Variants in FTSJ1 observed in about 807,000 individuals in gnomAD.
FTSJ1 encodes the protein tRNA (cytidine(32)/guanosine(34)-2'-O)-methyltransferase.
Under a neutral mutation model 28.5 loss-of-function variants are expected in FTSJ1, and 3 were observed. The observed-to-expected ratio is 0.11, with a 90% CI of 0.05 to 0.27. The LOEUF is 0.27. Ranked by LOEUF, FTSJ1 falls within the 10% of genes least tolerant of loss-of-function variation. The pLI, the probability that FTSJ1 is intolerant of heterozygous loss-of-function variation, is 1.00. For missense variants in FTSJ1, 162 were observed against 279.0 expected (o/e 0.58, Z 2.99); for synonymous variants, 104 against 113.9 (o/e 0.91, Z 0.55).
rs781866337 is a variant in FTSJ1, at chrX:48,480,482, G to T, written c.362-669G>T. ...CAGGGGACAGATCCTATAGGGCCTC[G>T]TGGGCCATGGTGAGGCTGTTGGCAT... On this transcript the variant is annotated intron_variant, in intron 5 of 12. Coordinates refer to ENST00000348411, the MANE Select transcript of FTSJ1 (RefSeq NM_012280.4). Among the ~76,000 whole-genome samples, 6 of 109,975 alleles carry T rather than the reference G, an allele frequency of 5.5e-5. No homozygotes were observed. The South Asian group carries it at 1.2e-3, about 22-fold the overall frequency.
chrX:48,484,321 G>A (rs1370993667), intron 12 of FTSJ1, among the ~76,000 whole-genome samples: 3 of 109,976 alleles, frequency 2.7e-5, no homozygotes, highest in Admixed American at 1.9e-4. Flanking sequence ...CACCTGCCTC[G>A]GCCTCCCAAA....
At chrX:48,484,482 C>G (rs990247018) in intron 12 of FTSJ1, among the ~76,000 whole-genome samples, 28 of 111,225 alleles carry the variant, frequency 2.5e-4, no homozygotes, top group African/African-American at 9.2e-4. Context: ...CTCCCGGGTT[C>G]AAGAGATTCT....
chrX:48,478,952 G>A (rs781877365), intron 4 of FTSJ1, 86 bp from the exon 5 acceptor site: 1 of 769,484 alleles, frequency 1.3e-6, no homozygotes, highest in East Asian at 3.2e-5. Flanking sequence ...GCTGACCCAG[G>A]GGCTGTGGGC....
chrX:48,477,928 A>G (rs1051510439), intron 1 of FTSJ1, 33 bp from the exon 2 acceptor site: 1 of 1,064,459 alleles, frequency 9.4e-7, no homozygotes, highest in Admixed American at 2.4e-5. Context: ...AGATGAGCCC[A>G]GTTTAGTTTG....
In FTSJ1 at chrX:48,481,768, T is replaced by C; in HGVS notation, c.655+53T>C. ...GGGGACTCTGCCACACCTTATGCAATCTAGGTCCCATGAGGGCCCACAGTC... is the reference window on the plus strand; with the variant it reads ...GGGGACTCTGCCACACCTTATGCAACCTAGGTCCCATGAGGGCCCACAGTC... On this transcript the variant is annotated intron_variant, in intron 9 of 12. Coordinates refer to ENST00000348411, the MANE Select transcript of FTSJ1 (RefSeq NM_012280.4). The C allele has an allele frequency of 5.2e-6, 4 of 771,678 alleles. No homozygotes were observed. In the Admixed American group the frequency reaches 9.2e-5, roughly 18 times the overall value. The allele number at this position is 771,678 out of a possible 1,213,427, so 63.6% of individuals were successfully genotyped here.
chrX:48,478,016 G>A lies in FTSJ1; in HGVS notation c.-32G>A, dbSNP rs369960936. On this transcript the variant is annotated 5_prime_UTR_variant, in exon 2 of 13. Transcript: ENST00000348411. ...TGATACTGGCCGGCATCAGTGGACTGTCGGCAGGTCCTTGAGCAACTGGTG... is the reference window on the plus strand; with the variant it reads ...TGATACTGGCCGGCATCAGTGGACTATCGGCAGGTCCTTGAGCAACTGGTG... 17 of 1,209,724 alleles carry A rather than the reference G, an allele frequency of 1.4e-5. No homozygotes were observed. In the Admixed American group the frequency reaches 1.7e-4, roughly 12 times the overall value.
At chrX:48,481,582 T>C in intron 8 of FTSJ1, 50 bp from the exon 9 acceptor site, 1 of 1,154,710 alleles carries the variant, frequency 8.7e-7, no homozygotes, top group Non-Finnish European at 1.2e-6. Context: ...GGACGCCGAC[T>C]GCACGAGGAG....
Position 48,481,698 on chromosome X carries a change from T to C in FTSJ1, c.638T>C (p.Leu213Pro). The change falls in exon 9 of 13, where the codon CTG (leucine) becomes CCG (proline). Residue 213 changes from leucine (L) to proline (P), a missense_variant. Transcript: ENST00000348411. ...EGFIPDLSKP[L>P]LDHSYDPDFN... is the part of the protein sequence containing the mutation. ...TTCATCCCGGACCTGAGCAAACCCC[T>C]GCTGGACCATTCTTACGGTGAGAGC... 8.5e-7 allele frequency: 1 copy of C among 1,176,846 alleles called. No homozygotes were observed. The highest frequency in any genetic ancestry group is 1.2e-6 in the Non-Finnish European group (1 of 863,334).
intron 1 of FTSJ1, chrX:48,476,774 A>C (rs1266817809): frequency 8.9e-6 from 1 of 112,626 alleles, no homozygotes; most frequent in African/African-American, 3.3e-5. Context: ...GCTAATAAGA[A>C]TATTTTAGTC....
At chrX:48,478,989 G>A (rs782502024) in intron 4 of FTSJ1, 49 bp from the exon 5 acceptor site, 6 of 981,096 alleles carry the variant, frequency 6.1e-6, no homozygotes, top group Non-Finnish European at 8.8e-6. Flanking sequence ...CGGGATCTGA[G>A]GGCAGCAGTG....
chrX:48,481,760 T>G (rs1556968719), intron 9 of FTSJ1, 45 bp downstream of exon 9: 1 of 797,417 alleles, frequency 1.3e-6, no homozygotes, highest in South Asian at 2.1e-5. Flanking sequence ...CTGCCACACC[T>G]TATGCAATCT....
rs1569474486 is a variant in FTSJ1 at position 48,481,485 on chromosome X, C to T, written c.528C>T (p.Ser176=). The part of the protein sequence containing the change: ...LYSQLQVFFS[S]VLCAKPRSSR... The stretch of plus-strand genomic sequence containing the variant: ...GCCAGCTGCAGGTCTTCTTCTCCAG[C>T]GTGCTGTGTGCCAAGCCCAGGAGCA... The change falls in exon 8 of 13, where the codon AGC becomes AGT. Residue 176 remains serine (S), a synonymous_variant. Transcript: ENST00000348411. 4.1e-6 allele frequency: 5 copies of T among 1,210,432 alleles called. No individual in the cohort carries two copies. The highest frequency in any genetic ancestry group is 1.7e-5 in the African/African-American group (1 of 57,445).
At chrX:48,484,949 T>G (rs1405179967) in intron 12 of FTSJ1, among the ~76,000 whole-genome samples, 2 of 111,717 alleles carry the variant, frequency 1.8e-5, no homozygotes, top group African/African-American at 6.5e-5. Flanking sequence ...CTGTGGAAAC[T>G]TAGGCATTAC....
At chrX:48,477,640 G>A (rs915214739) in intron 1 of FTSJ1, among the ~76,000 whole-genome samples, 2 of 111,427 alleles carry the variant, frequency 1.8e-5, no homozygotes, top group Non-Finnish European at 3.8e-5. Context: ...GAGCAGAGAA[G>A]GGTTGATAGT....
intron 12 of FTSJ1, 76 bp downstream of exon 12, chrX:48,483,103 A>G (rs941129956): frequency 3.9e-6 from 3 of 771,639 alleles, no homozygotes; most frequent in African/African-American, 4.0e-5. Flanking sequence ...TTCACCTTTG[A>G]AATTTTTATG....
intron 1 of FTSJ1, among the ~76,000 whole-genome samples, chrX:48,476,953 T>C (rs1556966475): frequency 4.6e-5 from 5 of 109,144 alleles, no homozygotes; most frequent in Admixed American, 9.8e-5. Context: ...GGTGAGGTTG[T>C]GGGGGGAATA....
At position 48,476,392 on chromosome X, in the gene FTSJ1, C is replaced by T. The variant is rs1029924707; in HGVS notation, c.-92C>T. On this transcript the variant is annotated 5_prime_UTR_variant, in exon 1 of 13. Coordinates refer to ENST00000348411, the MANE Select transcript of FTSJ1 (RefSeq NM_012280.4). Reference sequence around the variant, plus strand: ...CTCGCGGACCACCCTGCTCCGAAAACTAAGGTGGGCCCTGGGGCGCGGAGG... The same window carrying T: ...CTCGCGGACCACCCTGCTCCGAAAATTAAGGTGGGCCCTGGGGCGCGGAGG... 1.4e-5 allele frequency: 4 copies of T among 295,646 alleles called. No homozygotes were observed. The highest frequency in any genetic ancestry group is 2.4e-5 in the Non-Finnish European group (4 of 169,066). The allele number at this position is 295,646 out of a possible 1,213,427, so 24.4% of individuals were successfully genotyped here. A position where few individuals can be genotyped will look rare whatever the true frequency, so the allele number is the denominator to read the frequency against.
In FTSJ1 at chrX:48,479,040, G is replaced by C. The variant is rs1027475705; in HGVS notation, c.285G>C (p.Leu95=). The change falls in exon 5 of 13, where the codon CTG becomes CTC. Residue 95 remains leucine, a splice_region_variant and synonymous_variant. Coordinates refer to ENST00000348411, the MANE Select transcript of FTSJ1 (RefSeq NM_012280.4). ...ACTCATCCTCCCTCTCTCCATAGCT[G>C]TCCACTGCCAAGGAGATCATCCAGC... is the stretch of plus-strand genomic sequence containing the variant. ...VVQIQGDITQ[L]STAKEIIQHF... is the part of the protein sequence containing the mutation. 2 of 1,199,042 alleles carry C rather than the reference G, an allele frequency of 1.7e-6. No homozygotes were observed. Among genetic ancestry groups the C allele is most frequent in the Non-Finnish European group, 2.3e-6 (2 of 883,665 alleles).
chrX:48,483,491 G>T (rs2061582394), intron 12 of FTSJ1: 1 of 115,702 alleles, frequency 8.6e-6, no homozygotes, highest in South Asian at 3.3e-4. Flanking sequence ...GGAATTCTAG[G>T]CATGGCAGTT....
Sources: allele counts gnomAD v4.1 joint callset (sites outside exome capture counted in the v4.1 genomes callset), GRCh38; gene constraint gnomAD v4.1.1; transcripts MANE v1.5; gene names NCBI Gene and HGNC (gene_info 2026-07-23, HGNC 2026-07-21).